Variants in COL24A1 observed in about 807,000 individuals in gnomAD.
The protein encoded by COL24A1 is collagen type XXIV alpha 1 chain.
A neutral mutation model predicts 253.9 loss-of-function variants in COL24A1; 224 were observed. That is an observed-to-expected ratio of 0.88 (90% CI 0.79 to 0.99). The LOEUF is 0.99. Ranked by LOEUF, COL24A1 falls within the 50% of genes least tolerant of loss-of-function variation. The pLI is 0.00. For missense variants in COL24A1, 2,131 were observed against 2,068.5 expected (o/e 1.03, Z -0.59); for synonymous variants, 685 against 673.7 (o/e 1.02, Z -0.26).
At position 86,146,157 on chromosome 1, in the gene COL24A1, A is replaced by G. The variant is rs767692671; in HGVS notation, c.83T>C (p.Leu28Pro). Residue 28 changes from leucine (L) to proline (P), a missense_variant, in exon 2 of 60, where the codon CTA becomes CCA. By Grantham distance (98) the Leu-to-Pro change is moderately conservative. Coordinates refer to ENST00000370571, the MANE Select transcript of COL24A1 (RefSeq NM_152890.7). Reference sequence around the variant, plus strand: ...ATGAACAACCACCCCAGCCACACATAGTACAATAAAATGAAGAAGTGATTT... The same window carrying G: ...ATGAACAACCACCCCAGCCACACATGGTACAATAAAATGAAGAAGTGATTT... Reference protein sequence around the residue: ...KTKSLLHFIVLCVAGVVVHAQ... With the variant: ...KTKSLLHFIVPCVAGVVVHAQ... The G allele has an allele frequency of 1.2e-6, 2 of 1,611,360 alleles. No homozygotes were observed. The highest frequency in any genetic ancestry group is 1.7e-6 in the Non-Finnish European group (2 of 1,178,776).
intron 2 of COL24A1, among the ~76,000 whole-genome samples, chr1:86,127,265 C>T (rs1459380614): frequency 6.6e-6 from 1 of 152,026 alleles, no homozygotes; most frequent in Non-Finnish European, 1.5e-5. Flanking sequence ...ATGTAATACG[C>T]ATTTTATATA....
chr1:86,066,148 A>G (rs1701460399), intron 7 of COL24A1, among the ~76,000 whole-genome samples: 2 of 151,610 alleles, frequency 1.3e-5, no homozygotes, highest in Non-Finnish European at 2.9e-5. Context: ...ACCTAGTTTT[A>G]GATTCCATGG....
At chr1:85,766,147 T>C (rs1386932956) in intron 53 of COL24A1, among the ~76,000 whole-genome samples, 1 of 151,666 alleles carries the variant, frequency 6.6e-6, no homozygotes, top group Non-Finnish European at 1.5e-5. Flanking sequence ...GGGCAGATCA[T>C]CTGAGGCCAG....
intron 12 of COL24A1, among the ~76,000 whole-genome samples, chr1:86,039,282 A>C (rs867301268): frequency 6.6e-6 from 1 of 152,188 alleles, no homozygotes; most frequent in Non-Finnish European, 1.5e-5. Flanking sequence ...GCCTGAATAC[A>C]TGTATGTGAT....
intron 32 of COL24A1, among the ~76,000 whole-genome samples, chr1:85,883,216 T>C (rs542141476): frequency 6.4e-4 from 98 of 152,252 alleles, no homozygotes; most frequent in African/African-American, 2.3e-3. Context: ...TTTATTTTAA[T>C]TTTTATGTCT....
rs1374797780 is a variant in COL24A1 at position 85,781,275 on chromosome 1, T to C, written c.4285-2A>G. The C allele has an allele frequency of 1.3e-6, 2 of 1,599,802 alleles. No individual in the cohort carries two copies. Among genetic ancestry groups the C allele is most frequent in the East Asian group, 2.2e-5 (1 of 44,566 alleles). On this transcript the variant is annotated splice_acceptor_variant, in intron 51 of 59. Coordinates refer to ENST00000370571, the MANE Select transcript of COL24A1 (RefSeq NM_152890.7). LOFTEE classifies it high-confidence loss of function. ...TCTGCCAAGGGGACCAGTGTTTCCC[T>C]GTTGAGGTAAAAGAAAAACAGTCTC... is the stretch of plus-strand genomic sequence containing the variant.
intron 23 of COL24A1, among the ~76,000 whole-genome samples, chr1:85,964,175 C>T (rs968999032): frequency 6.6e-6 from 1 of 152,040 alleles, no homozygotes; most frequent in Non-Finnish European, 1.5e-5. Flanking sequence ...TATGTCAATT[C>T]ATAGTTAAAT....
chr1:85,848,025 T>C (rs1017400060), intron 38 of COL24A1, among the ~76,000 whole-genome samples: 7 of 152,110 alleles, frequency 4.6e-5, no homozygotes, highest in Admixed American at 2.0e-4. Context: ...CAAATAACCG[T>C]TTTTTACTTT....
At chr1:85,989,097 A>G (rs888858856) in intron 19 of COL24A1, among the ~76,000 whole-genome samples, 7 of 152,076 alleles carry the variant, frequency 4.6e-5, no homozygotes, top group African/African-American at 1.7e-4. Context: ...TCTCTAGAAC[A>G]CACCTTTTGT....
At chr1:86,022,215 G>C (rs747764988) in intron 18 of COL24A1, 25 bp downstream of exon 18, 9 of 1,608,018 alleles carry the variant, frequency 5.6e-6, no homozygotes, top group Non-Finnish European at 6.8e-6. Flanking sequence ...CAATTACAAA[G>C]AGCAAAGCAA....
At chr1:85,917,872 T>C (rs1165377343) in intron 24 of COL24A1, among the ~76,000 whole-genome samples, 1 of 151,880 alleles carries the variant, frequency 6.6e-6, no homozygotes, top group Non-Finnish European at 1.5e-5. Flanking sequence ...GCCCAGCTAA[T>C]TTTTTTGTAG....
chr1:86,144,956 T>C (rs1388085029), intron 2 of COL24A1, among the ~76,000 whole-genome samples: 2 of 152,148 alleles, frequency 1.3e-5, no homozygotes, highest in East Asian at 3.8e-4. Flanking sequence ...TACTTCAAGC[T>C]AAATGAAGTA....
intron 47 of COL24A1, among the ~76,000 whole-genome samples, chr1:85,806,075 C>CAAAAA (rs59669169): frequency 1.1e-5 from 1 of 95,120 alleles, no homozygotes; most frequent in Admixed American, 1.0e-4. Flanking sequence ...GACTCCGTCT[C>CAAAAA]AAAAAAAAAA....
chr1:85,884,905 G>A (rs780098662), intron 32 of COL24A1, among the ~76,000 whole-genome samples: 1 of 152,132 alleles, frequency 6.6e-6, no homozygotes, highest in African/African-American at 2.4e-5. Context: ...TCAGGAACAT[G>A]TAGGGGCCTC....
chr1:86,124,870 CCT>C lies in COL24A1; in HGVS notation c.1464_1465del (p.Gly489AlafsTer64). ...GGGAGGTCCAGTGTCTCCTTTTGGC[CCT>C]CTCAGATACTCCATTTCAAGCATTG... On this transcript the variant is annotated frameshift_variant, in exon 3 of 60. Coordinates refer to ENST00000370571, the MANE Select transcript of COL24A1 (RefSeq NM_152890.7). LOFTEE classifies it high-confidence loss of function. 5 of 1,563,204 alleles carry C rather than the reference CCT, an allele frequency of 3.2e-6. No homozygotes were observed. Among genetic ancestry groups the C allele is most frequent in the Non-Finnish European group, 4.3e-6 (5 of 1,162,272 alleles).
rs1698001239 is a variant in COL24A1, at chr1:86,026,105, G to T, written c.2050-3098C>A. Among the ~76,000 whole-genome samples the T allele has an allele frequency of 2.6e-5, 4 of 152,302 alleles. No homozygotes were observed. In the South Asian group the frequency reaches 8.3e-4, roughly 32 times the overall value. ...CTTGTTCATATTATTAGGCCTAGCAGTTAGTTCAGCTATTTAGTAGGTGCT... is the reference window on the plus strand; with the variant it reads ...CTTGTTCATATTATTAGGCCTAGCATTTAGTTCAGCTATTTAGTAGGTGCT... On this transcript the variant is annotated intron_variant, in intron 14 of 59. Transcript: ENST00000370571.
chr1:85,963,742 G>A lies in COL24A1; in HGVS notation c.2517+1267C>T, dbSNP rs368996593. On this transcript the variant is annotated intron_variant, in intron 23 of 59. Transcript: ENST00000370571. The stretch of plus-strand genomic sequence containing the variant: ...CCTGTGTTTACTAGGTAACACAGAA[G>A]CCACCTAGATTTTGGTGTGATTCTA... 2.0e-3 allele frequency among the ~76,000 whole-genome samples: 311 copies of A among 152,250 alleles called. 10 individuals are homozygous for A. The South Asian group carries it at 0.052, about 26-fold the overall frequency.
intron 35 of COL24A1, among the ~76,000 whole-genome samples, 173 bp downstream of exon 35, chr1:85,874,476 A>G (rs1680901041): frequency 6.6e-6 from 1 of 152,256 alleles, no homozygotes; most frequent in South Asian, 2.1e-4. Flanking sequence ...ACTAAATTAG[A>G]ATAGGGACAA....
chr1:85,771,860 A>G (rs1668002498), intron 53 of COL24A1, among the ~76,000 whole-genome samples: 1 of 149,984 alleles, frequency 6.7e-6, no homozygotes, highest in Admixed American at 6.7e-5. Context: ...CAGGTTAGTT[A>G]CATATGTATA....
Sources: gnomAD v4.1 joint callset for allele counts (sites outside exome capture counted in the v4.1 genomes callset) on GRCh38, gnomAD v4.1.1 for gene constraint, MANE v1.5 for transcripts, NCBI Gene and HGNC (gene_info 2026-07-23, HGNC 2026-07-21) for gene names.